The following DNMT3B variants were observed in gnomAD, a reference collection of about 807,000 sequenced individuals.
DNMT3B encodes the protein DNA methyltransferase 3 beta.
In DNMT3B, 37 loss-of-function variants were observed where a neutral mutation model predicts 120.2. The observed-to-expected ratio is 0.31, with a 90% CI of 0.24 to 0.40. DNMT3B has a LOEUF of 0.40. DNMT3B is among the 10% of genes least tolerant of loss of function. DNMT3B has a pLI of 1.00. For missense variants in DNMT3B, 878 were observed against 1,137.3 expected (o/e 0.77, Z 3.28); for synonymous variants, 412 against 442.8 (o/e 0.93, Z 0.87).
chr20:32,786,566 CCCGAGG>C lies in DNMT3B; in HGVS notation c.375_380del (p.Gly126_Arg127del). 6.2e-7 allele frequency: 1 copy of C among 1,614,022 alleles called. No homozygotes were observed. Among genetic ancestry groups the C allele is most frequent in the Non-Finnish European group, 8.5e-7 (1 of 1,180,052 alleles). On this transcript the variant is annotated inframe_deletion, in exon 5 of 23. Coordinates refer to ENST00000328111, the MANE Select transcript of DNMT3B (RefSeq NM_006892.4). ...AGGCACAGGCCTTCCCCACGTTCCA[CCCGAGG>C]CCGGCAGGGCCGCAACCATGTGGAC...
rs144266327 is a variant in DNMT3B, at chr20:32,796,093, T to C, written c.1297+399T>C. Among the ~76,000 whole-genome samples, 25 of 152,312 alleles carry C rather than the reference T, an allele frequency of 1.6e-4. No individual in the cohort carries two copies. The East Asian group carries it at 4.6e-3, about 28-fold the overall frequency. On this transcript the variant is annotated intron_variant, in intron 12 of 22. Coordinates refer to ENST00000328111, the MANE Select transcript of DNMT3B (RefSeq NM_006892.4). ...ATTGCCACTGGATTGGATACTCTGA[T>C]CAGAATATACCTCATGGAATACAGA...
In DNMT3B at chr20:32,762,438, C is replaced by T. The variant is rs1310426213; in HGVS notation, c.-268C>T. On this transcript the variant is annotated 5_prime_UTR_variant, in exon 1 of 23. Coordinates refer to ENST00000328111, the MANE Select transcript of DNMT3B (RefSeq NM_006892.4). Reference sequence around the variant, plus strand: ...CGCCGCTTCCTCGCAGCAGCTGCTCCCGGCTCCGCGGCCGCAGCCCGCGTG... The same window carrying T: ...CGCCGCTTCCTCGCAGCAGCTGCTCTCGGCTCCGCGGCCGCAGCCCGCGTG... 1.3e-5 allele frequency: 2 copies of T among 159,068 alleles called. No homozygotes were observed. Among genetic ancestry groups the T allele is most frequent in the African/African-American group, 4.8e-5 (2 of 41,456 alleles). 9.9% of individuals were successfully genotyped at this position (159,068 alleles called of 1,614,324 possible).
Position 32,798,579 on chromosome 20 carries a change from G to A in DNMT3B, c.1610G>A (p.Arg537Gln), listed in dbSNP as rs544333946. Residue 537 changes from arginine to glutamine, a missense_variant, in exon 15 of 23, where the codon CGG (arginine) becomes CAG (glutamine). Arg to Gln is a conservative substitution (Grantham distance 43, BLOSUM62 1). This residue lies in a region of DNMT3B where 334 missense variants were observed against 518.8 expected (regional missense o/e 0.64). Coordinates refer to ENST00000328111, the MANE Select transcript of DNMT3B (RefSeq NM_006892.4). ...CCGCAGCGCTGTCATGGCGTCCTGCGGCGCCGGAAGGACTGGAACGTGCGC... is the reference window on the plus strand; with the variant it reads ...CCGCAGCGCTGTCATGGCGTCCTGCAGCGCCGGAAGGACTGGAACGTGCGC... ...CLPQRCHGVL[R>Q]RRKDWNVRLQ... The A allele has an allele frequency of 4.1e-5, 66 of 1,614,224 alleles. No individual in the cohort carries two copies. In the East Asian group the frequency reaches 7.1e-4, roughly 17 times the overall value.
At chr20:32,798,254 G>C (rs1980881567) in intron 14 of DNMT3B, among the ~76,000 whole-genome samples, 1 of 152,328 alleles carries the variant, frequency 6.6e-6, no homozygotes, top group Admixed American at 6.5e-5. Flanking sequence ...TGATCAGAGA[G>C]CCTGTGGGAT....
chr20:32,800,184 G>A lies in DNMT3B; in HGVS notation c.1791G>A (p.Lys597=), dbSNP rs1981150796. The A allele has an allele frequency of 3.7e-6, 6 of 1,614,256 alleles. No homozygotes were observed. Among genetic ancestry groups the A allele is most frequent in the Non-Finnish European group, 5.1e-6 (6 of 1,180,050 alleles). Residue 597 remains lysine (K), a synonymous_variant, in exon 17 of 23, where the codon AAG becomes AAA. Transcript: ENST00000328111. The part of the protein sequence containing the change: ...GYLVLKELGI[K]VGKYVASEVC... Reference sequence around the variant, plus strand: ...TAGTCCTCAAAGAGTTGGGCATAAAGGTAGGAAAGTACGTCGCTTCTGAAG... The same window carrying A: ...TAGTCCTCAAAGAGTTGGGCATAAAAGTAGGAAAGTACGTCGCTTCTGAAG...
chr20:32,789,139 G>T (rs1979670684), intron 7 of DNMT3B, 127 bp downstream of exon 7: 8 of 1,401,358 alleles, frequency 5.7e-6, no homozygotes, highest in Non-Finnish European at 6.7e-6. Flanking sequence ...CTGTCTGGGA[G>T]GAAGGACAAA....
chr20:32,789,095 G>C, intron 7 of DNMT3B, 83 bp downstream of exon 7: 1 of 1,580,722 alleles, frequency 6.3e-7, no homozygotes, highest in Admixed American at 1.8e-5. Flanking sequence ...GCCTGGGATT[G>C]TATTCTGCAG....
intron 12 of DNMT3B, 46 bp from the exon 13 acceptor site, chr20:32,796,744 G>A (rs1221608406): frequency 1.2e-6 from 2 of 1,608,032 alleles, no homozygotes; most frequent in African/African-American, 1.3e-5. Context: ...AGCAGCTGGT[G>A]TCAGGGCCTC....
chr20:32,786,985 G>A (rs1302169495), intron 5 of DNMT3B, among the ~76,000 whole-genome samples: 3 of 152,292 alleles, frequency 2.0e-5, no homozygotes, highest in East Asian at 3.9e-4. Flanking sequence ...TTCACTCTCT[G>A]AGAGTCCCTC....
intron 1 of DNMT3B, among the ~76,000 whole-genome samples, chr20:32,769,828 C>A (rs560470824): frequency 6.6e-6 from 1 of 152,196 alleles, no homozygotes; most frequent in Admixed American, 6.5e-5. Context: ...CACATTGCAA[C>A]TTCCGCCTCC....
At chr20:32,789,130 T>C (rs576409141) in intron 7 of DNMT3B, 118 bp downstream of exon 7, 4 of 1,432,310 alleles carry the variant, frequency 2.8e-6, no homozygotes, top group Admixed American at 2.2e-5. Flanking sequence ...GCCTTCACAC[T>C]GTCTGGGAGG....
intron 3 of DNMT3B, among the ~76,000 whole-genome samples, chr20:32,781,912 G>C (rs1978670854): frequency 6.6e-6 from 1 of 152,216 alleles, no homozygotes; most frequent in African/African-American, 2.4e-5. Context: ...TGTTCAAGTA[G>C]TGCTTGTTTT....
At position 32,786,644 on chromosome 20, in the gene DNMT3B, C is replaced by T. The variant is rs758449738; in HGVS notation, c.432+17C>T. 3.7e-6 allele frequency: 6 copies of T among 1,613,486 alleles called. No individual in the cohort carries two copies. The African/African-American group carries it at 6.7e-5, about 18-fold the overall frequency. On this transcript the variant is annotated intron_variant, in intron 5 of 22. Transcript: ENST00000328111. Reference sequence around the variant, plus strand: ...GCTACCAGGGTTGGTTCCCCAGATGCCCAGACCCCTGCCCGCAGTCTCTAA... The same window carrying T: ...GCTACCAGGGTTGGTTCCCCAGATGTCCAGACCCCTGCCCGCAGTCTCTAA...
intron 1 of DNMT3B, among the ~76,000 whole-genome samples, chr20:32,771,452 C>G (rs1987731908): frequency 6.6e-6 from 1 of 152,052 alleles, no homozygotes; most frequent in South Asian, 2.1e-4. Flanking sequence ...ACCAGCCTGG[C>G]CAGCATACTG....
chr20:32,781,772 A>G, intron 3 of DNMT3B, among the ~76,000 whole-genome samples: 1 of 152,230 alleles, frequency 6.6e-6, no homozygotes, highest in East Asian at 1.9e-4. Context: ...GGAATCTTGC[A>G]CTGTCCTGCT....
chr20:32,800,098 G>T, intron 16 of DNMT3B, 55 bp from the exon 17 acceptor site: 2 of 1,610,512 alleles, frequency 1.2e-6, no homozygotes, highest in South Asian at 2.2e-5. Context: ...TGGAGGAAAT[G>T]AGCTGCTGTG....
In DNMT3B at chr20:32,780,483, A is replaced by G; in HGVS notation, c.142+18A>G. 1 of 1,609,958 alleles carries G rather than the reference A, an allele frequency of 6.2e-7. No homozygotes were observed. The highest frequency in any genetic ancestry group is 8.5e-7 in the Non-Finnish European group (1 of 1,179,814). ...GATCAGAGGTGGCTGGGCAGTGGGG[A>G]CTGGGGTGGTGTCAGGCGCTGACAT... On this transcript the variant is annotated intron_variant, in intron 2 of 22. Coordinates refer to ENST00000328111, the MANE Select transcript of DNMT3B (RefSeq NM_006892.4).
chr20:32,764,936 C>T (rs866492227), intron 1 of DNMT3B, among the ~76,000 whole-genome samples: 4 of 152,150 alleles, frequency 2.6e-5, no homozygotes, highest in Non-Finnish European at 4.4e-5. Context: ...AGGCGCCTGT[C>T]GCCCCTCATT....
intron 13 of DNMT3B, 126 bp from the exon 14 acceptor site, chr20:32,797,060 CT>C (rs753746494): frequency 8.3e-5 from 134 of 1,605,308 alleles, no homozygotes; most frequent in Non-Finnish European, 1.1e-4. Flanking sequence ...GCCAGTTGTC[CT>C]TTTAAAGGAC....
Sources: gnomAD v4.1 joint callset for allele counts (sites outside exome capture counted in the v4.1 genomes callset) on GRCh38, gnomAD v4.1.1 for gene constraint, gnomAD v4.1.1 regional missense constraint, MANE v1.5 for transcripts, NCBI Gene and HGNC (gene_info 2026-07-23, HGNC 2026-07-21) for gene names.